POLR3A: variants seen among roughly 807,000 people sequenced by gnomAD.
POLR3A encodes RNA polymerase III subunit A, also known as DNA-directed RNA polymerase III subunit RPC1.
Under a neutral mutation model 152.8 loss-of-function variants are expected in POLR3A, and 112 were observed. The observed-to-expected ratio is 0.73, with a 90% CI of 0.63 to 0.86. The LOEUF (loss-of-function observed/expected upper bound fraction) is 0.86, where lower values mean the gene tolerates loss of function less well. POLR3A is among the 40% of genes least tolerant of loss of function. The pLI, the probability that POLR3A is intolerant of heterozygous loss-of-function variation, is 0.00. For synonymous variants in POLR3A, 615 were observed against 652.1 expected (o/e 0.94, Z 0.87); for missense variants, 1,385 against 1,743.1 (o/e 0.79, Z 3.66).
Position 78,013,869 on chromosome 10 carries a change from A to C in POLR3A, c.1432-79T>G, listed in dbSNP as rs998048248. 34 of 1,562,618 alleles carry C rather than the reference A, an allele frequency of 2.2e-5. No homozygotes were observed. In the East Asian group the frequency reaches 2.7e-4, roughly 12 times the overall value. On this transcript the variant is annotated intron_variant, in intron 10 of 30. Transcript: ENST00000372371. ...AAGCTTCTCTGTTTTGAAACATTAA[A>C]AATGGCTTCCTGGAATACTGGGCAC...
chr10:78,012,190 C>A (rs1301511499), intron 11 of POLR3A, among the ~76,000 whole-genome samples: 1 of 151,952 alleles, frequency 6.6e-6, no homozygotes, highest in African/African-American at 2.4e-5. Flanking sequence ...TGTGGTGAAA[C>A]CCTGTCTCTA....
intron 5 of POLR3A, 70 bp downstream of exon 5, chr10:78,024,479 G>A (rs1277107702): frequency 3.9e-6 from 6 of 1,520,766 alleles, no homozygotes; most frequent in Non-Finnish European, 5.4e-6. Flanking sequence ...GGGGGAGAGA[G>A]TGTGCATGTG....
intron 30 of POLR3A, among the ~76,000 whole-genome samples, chr10:77,979,273 T>G (rs1004947951): frequency 2.6e-5 from 4 of 152,384 alleles, no homozygotes; most frequent in African/African-American, 7.2e-5. Flanking sequence ...AAAGGGCTAC[T>G]GGGAAGCAGA....
At chr10:78,023,830 G>A (rs1264453641) in intron 5 of POLR3A, among the ~76,000 whole-genome samples, 1 of 151,148 alleles carries the variant, frequency 6.6e-6, no homozygotes, top group African/African-American at 2.4e-5. Context: ...TAAAAAAAAA[G>A]AACTGAGGTA....
In POLR3A at chr10:78,001,075, T is replaced by C; in HGVS notation, c.2379A>G (p.Ser793=). 6.2e-7 allele frequency: 1 copy of C among 1,603,546 alleles called. No individual in the cohort carries two copies. The highest frequency in any genetic ancestry group is 1.1e-5 in the South Asian group (1 of 90,826). The change falls in exon 18 of 31, where the codon TCA becomes TCG. Residue 793 remains serine (S), a synonymous_variant. Coordinates refer to ENST00000372371, the MANE Select transcript of POLR3A (RefSeq NM_007055.4). Reference sequence around the variant, plus strand: ...GCTGTCCCACACAGGCAATCATCTGTGATATGTTAATGAAGGAACCTGGGG... The same window carrying C: ...GCTGTCCCACACAGGCAATCATCTGCGATATGTTAATGAAGGAACCTGGGG... The part of the protein sequence containing the change: ...CGSKGSFINI[S]QMIACVGQQA...
intron 20 of POLR3A, among the ~76,000 whole-genome samples, chr10:77,991,762 T>TG (rs774163845): frequency 7.2e-5 from 11 of 152,142 alleles, no homozygotes; most frequent in Non-Finnish European, 1.6e-4. Flanking sequence ...TGACCTCAAG[T>TG]GATATGACCG....
chr10:78,009,079 G>A (rs1847438283), intron 14 of POLR3A, among the ~76,000 whole-genome samples: 1 of 143,596 alleles, frequency 7.0e-6, no homozygotes, highest in Non-Finnish European at 1.5e-5. Flanking sequence ...CTTGAACCCA[G>A]TAGGTGGAAG....
chr10:77,997,150 T>C (rs1353672221), intron 19 of POLR3A, among the ~76,000 whole-genome samples: 9 of 152,140 alleles, frequency 5.9e-5, no homozygotes, highest in Admixed American at 5.9e-4. Context: ...TAGGTATTGA[T>C]GGGATGTATC....
intron 21 of POLR3A, among the ~76,000 whole-genome samples, chr10:77,987,680 C>T (rs1847210649): frequency 6.6e-6 from 1 of 152,202 alleles, no homozygotes; most frequent in South Asian, 2.1e-4. Flanking sequence ...TCTATCCTAA[C>T]CTTGCAAAAA....
At chr10:77,980,085 G>A in intron 30 of POLR3A, 56 bp downstream of exon 30, 1 of 1,524,538 alleles carries the variant, frequency 6.6e-7, no homozygotes, top group Non-Finnish European at 9.1e-7. Context: ...CCTAGCCATG[G>A]TCTATTTGTA....
At chr10:78,008,017 GGGA>G in intron 14 of POLR3A, 151 bp from the exon 15 acceptor site, 12 of 495,904 alleles carry the variant, frequency 2.4e-5, no homozygotes, top group South Asian at 1.1e-4. Flanking sequence ...TTTGGGGGGA[GGGA>G]GGGGGGGTTA....
Position 77,983,893 on chromosome 10 carries a change from C to T in POLR3A, c.3429+27G>A, listed in dbSNP as rs1366204397. ...ATCTTGGGACTAACAGGATGACTTC[C>T]TCTCTACATTTAATTATGTGACTCA... On this transcript the variant is annotated intron_variant, in intron 26 of 30. Transcript: ENST00000372371. The T allele has an allele frequency of 3.5e-6, 5 of 1,425,740 alleles. No homozygotes were observed. In the East Asian group the frequency reaches 6.8e-5, roughly 19 times the overall value. The allele number at this position is 1,425,740 out of a possible 1,614,324, so 88.3% of individuals were successfully genotyped here.
intron 19 of POLR3A, among the ~76,000 whole-genome samples, chr10:77,996,953 G>A (rs570357133): frequency 2.6e-5 from 4 of 152,120 alleles, no homozygotes; most frequent in Non-Finnish European, 4.4e-5. Context: ...ACATCAAAAA[G>A]CTTATCCACC....
intron 11 of POLR3A, among the ~76,000 whole-genome samples, chr10:78,011,955 C>G (rs1268951599): frequency 1.3e-5 from 2 of 152,174 alleles, no homozygotes; most frequent in East Asian, 3.8e-4. Context: ...TATGGATCCT[C>G]AATGGCAGAG....
At chr10:77,995,316 A>G (rs1172873797) in intron 19 of POLR3A, among the ~76,000 whole-genome samples, 4 of 152,214 alleles carry the variant, frequency 2.6e-5, no homozygotes, top group Non-Finnish European at 4.4e-5. Context: ...TAAAATATTA[A>G]CTTTAAATGT....
At position 78,024,653 on chromosome 10, in the gene POLR3A, T is replaced by A; in HGVS notation, c.541A>T (p.Thr181Ser). Residue 181 changes from threonine to serine, a missense_variant, in exon 5 of 31, where the codon ACC (threonine) becomes TCC (serine). By Grantham distance (58) the Thr-to-Ser change is moderately conservative (BLOSUM62 1). Coordinates refer to ENST00000372371, the MANE Select transcript of POLR3A (RefSeq NM_007055.4). ...LLKIIHEKYK[T>S]NKKVVDPIVS... The stretch of plus-strand genomic sequence containing the variant: ...ATGGGATCCACCACTTTTTTGTTGG[T>A]CTTGTATTTCTCATGAATTATTTTC... 1 of 1,613,834 alleles carries A rather than the reference T, an allele frequency of 6.2e-7. No homozygotes were observed. Among genetic ancestry groups the A allele is most frequent in the Non-Finnish European group, 8.5e-7 (1 of 1,179,706 alleles).
chr10:78,010,950 T>A (rs1325173668), intron 11 of POLR3A, among the ~76,000 whole-genome samples: 1 of 152,072 alleles, frequency 6.6e-6, no homozygotes, highest in Non-Finnish European at 1.5e-5. Flanking sequence ...GCTCAAGTGA[T>A]CCTCCCAGCT....
Position 77,982,742 on chromosome 10 carries a change from C to A in POLR3A, c.3505G>T (p.Gly1169Cys). The A allele has an allele frequency of 4.3e-6, 7 of 1,613,856 alleles. No homozygotes were observed. The highest frequency in any genetic ancestry group is 5.9e-6 in the Non-Finnish European group (7 of 1,179,824). The change falls in exon 27 of 31, where the codon GGT becomes TGT. Residue 1169 changes from glycine (G) to cysteine (C), a missense_variant. Gly to Cys is a radical substitution (Grantham distance 159). Transcript: ENST00000372371. Reference protein sequence around the residue: ...RVKPGDVAVHGEAVVCVTPRE... With the variant: ...RVKPGDVAVHCEAVVCVTPRE... The stretch of plus-strand genomic sequence containing the variant: ...GGGGTGACACACACCACAGCCTCAC[C>A]ATGAACAGCCACATCACCGGGCTTC...
intron 17 of POLR3A, 46 bp from the exon 18 acceptor site, chr10:78,001,140 A>G (rs372030483): frequency 8.3e-5 from 88 of 1,056,318 alleles, no homozygotes; most frequent in Non-Finnish European, 1.3e-4. Context: ...CCAAAATAAC[A>G]CTAATTGAAG....
Sources: gnomAD v4.1 joint callset for allele counts (sites outside exome capture counted in the v4.1 genomes callset) on GRCh38, gnomAD v4.1.1 for gene constraint, MANE v1.5 for transcripts, NCBI Gene and HGNC (gene_info 2026-07-23, HGNC 2026-07-21) for gene names.